VRK2: variants seen among roughly 807,000 people sequenced by gnomAD.
VRK2 encodes serine/threonine-protein kinase VRK2.
VRK2 carries 60 observed loss-of-function variants against 57.6 expected under a neutral mutation model. That is an observed-to-expected ratio of 1.04 (90% confidence interval 0.85 to 1.29). The LOEUF is 1.29. Ranked by LOEUF, VRK2 falls within the 50% of genes most tolerant of loss-of-function variation. The pLI is 0.00. For missense variants in VRK2, 705 were observed against 588.1 expected, an observed-to-expected ratio of 1.20 and a Z score of -2.06; for synonymous variants, 231 against 199.2, an observed-to-expected ratio of 1.16 and a Z score of -1.35.
chr2:57,975,494 A>G (rs1386335379), intron 1 of VRK2, among the ~76,000 whole-genome samples: 1 of 151,936 alleles, frequency 6.6e-6, no homozygotes, highest in Non-Finnish European at 1.5e-5. Context: ...CTATTTTTTA[A>G]ATTTCAATTT....
chr2:58,156,870 A>G (rs1042189706), intron 12 of VRK2, among the ~76,000 whole-genome samples: 1 of 152,112 alleles, frequency 6.6e-6, no homozygotes, highest in Non-Finnish European at 1.5e-5. Context: ...TCTCCTGGTT[A>G]TGGGTCACAT....
At chr2:58,018,750 T>G (rs940229409) in intron 1 of VRK2, among the ~76,000 whole-genome samples, 2 of 152,164 alleles carry the variant, frequency 1.3e-5, no homozygotes, top group Non-Finnish European at 2.9e-5. Context: ...TTTTTTTTCT[T>G]GTAATTCTCT....
At chr2:58,038,584 C>A (rs1314366297) in intron 3 of VRK2, among the ~76,000 whole-genome samples, 2 of 152,110 alleles carry the variant, frequency 1.3e-5, no homozygotes, top group Non-Finnish European at 2.9e-5. Flanking sequence ...ACTTACTAAA[C>A]AAGCCTTATC....
At chr2:57,957,631 T>C (rs925891669) in intron 1 of VRK2, among the ~76,000 whole-genome samples, 1 of 147,166 alleles carries the variant, frequency 6.8e-6, no homozygotes, top group Non-Finnish European at 1.5e-5. Flanking sequence ...TATATTTCTA[T>C]ATATATATAT....
At position 57,982,100 on chromosome 2, in the gene VRK2, G is replaced by A. The variant is rs114694326; in HGVS notation, c.-438-43565G>A. Among the ~76,000 whole-genome samples, 681 of 152,264 alleles carry A rather than the reference G, an allele frequency of 4.5e-3. 2 individuals are homozygous for A. Among genetic ancestry groups the A allele is most frequent in the African/African-American group, 0.015 (608 of 41,546 alleles). On this transcript the variant is annotated intron_variant, in intron 1 of 15. Coordinates refer to the VRK2 transcript ENST00000417641. ...TTGATGCCCTTGAGGGTTTGACTGT[G>A]GTATAAGTTGGATTTAGTCAATTGG... is the stretch of plus-strand genomic sequence containing the variant.
At chr2:58,133,827 A>G (rs1193215283) in intron 9 of VRK2, among the ~76,000 whole-genome samples, 1 of 152,224 alleles carries the variant, frequency 6.6e-6, no homozygotes, top group African/African-American at 2.4e-5. Context: ...GTGGAGAACA[A>G]TGCACATATA....
Position 58,077,660 on chromosome 2 carries a change from T to G in VRK2, c.137-6429T>G, listed in dbSNP as rs183847712. Among the ~76,000 whole-genome samples the G allele has an allele frequency of 1.2e-4, 18 of 152,252 alleles. No individual in the cohort carries two copies. In the East Asian group the frequency reaches 3.1e-3, roughly 26 times the overall value. On this transcript the variant is annotated intron_variant, in intron 2 of 12. Transcript: ENST00000340157. ...GCATAGTAATTTTCTGGGAGACTTCTCACTTCATCACATCCTTCCATACCC... is the reference window on the plus strand; with the variant it reads ...GCATAGTAATTTTCTGGGAGACTTCGCACTTCATCACATCCTTCCATACCC...
upstream of VRK2, among the ~76,000 whole-genome samples, chr2:58,042,299 T>G (rs542580053): frequency 2.6e-5 from 4 of 152,332 alleles, no homozygotes; most frequent in African/African-American, 9.6e-5. Flanking sequence ...TTGGTCTGAT[T>G]GTTTATCTAA....
At chr2:58,056,279 G>A (rs978907414) in intron 2 of VRK2, among the ~76,000 whole-genome samples, 3 of 152,112 alleles carry the variant, frequency 2.0e-5, no homozygotes, top group Non-Finnish European at 2.9e-5. Context: ...CCATGAGACC[G>A]TTGTGAATAC....
chr2:58,124,300 G>C (rs1378975517), intron 8 of VRK2, among the ~76,000 whole-genome samples: 1 of 152,194 alleles, frequency 6.6e-6, no homozygotes, highest in African/African-American at 2.4e-5. Flanking sequence ...GAGTCCCACT[G>C]ATGGTTGCTT....
chr2:58,111,073 C>G (rs17049347), intron 7 of VRK2, among the ~76,000 whole-genome samples: 3,794 of 152,194 alleles, frequency 0.025, 155 homozygotes, highest in African/African-American at 0.087. Flanking sequence ...ACTACATTTT[C>G]AATCACAAAG....
chr2:58,118,825 C>A (rs914756758), intron 7 of VRK2, among the ~76,000 whole-genome samples: 1 of 151,826 alleles, frequency 6.6e-6, no homozygotes, highest in Admixed American at 6.6e-5. Flanking sequence ...GGGGTGGGGC[C>A]GTTTTATAGG....
At chr2:58,150,613 A>G (rs1037994167) in intron 12 of VRK2, among the ~76,000 whole-genome samples, 1 of 148,936 alleles carries the variant, frequency 6.7e-6, no homozygotes, top group African/African-American at 2.5e-5. Context: ...TTTTTTTAAA[A>G]AAACCTACCA....
At chr2:58,092,197 C>T (rs1309575522) in intron 7 of VRK2, among the ~76,000 whole-genome samples, 19 of 152,236 alleles carry the variant, frequency 1.2e-4, no homozygotes, top group Non-Finnish European at 1.5e-5. Flanking sequence ...CTTCTCCTGG[C>T]ATTGCTCCCA....
Position 57,921,238 on chromosome 2 carries a change from C to A in VRK2, c.-439+13399C>A, listed in dbSNP as rs373568864. Among the ~76,000 whole-genome samples the A allele has an allele frequency of 3.5e-4, 53 of 151,930 alleles. 1 individual carries two copies. The South Asian group carries it at 0.01, about 30-fold the overall frequency. Reference sequence around the variant, plus strand: ...CCGTGTCAACCTCTGGAGAAGGCATCTAAGTAATTCCATTTTAAAAGTACC... The same window carrying A: ...CCGTGTCAACCTCTGGAGAAGGCATATAAGTAATTCCATTTTAAAAGTACC... On this transcript the variant is annotated intron_variant, in intron 1 of 15. Coordinates refer to the VRK2 transcript ENST00000417641.
chr2:58,081,857 CGTGTGT>C (rs369430200), intron 2 of VRK2, among the ~76,000 whole-genome samples: 13,158 of 142,088 alleles, frequency 0.093, 658 homozygotes, highest in African/African-American at 0.12. Context: ...ATACCATGTC[CGTGTGT>C]GTGTGTGTGT....
At chr2:58,091,475 A>G (rs947505740) in intron 7 of VRK2, among the ~76,000 whole-genome samples, 1 of 152,028 alleles carries the variant, frequency 6.6e-6, no homozygotes, top group African/African-American at 2.4e-5. Context: ...TTTTAATTTA[A>G]CTTAATTTAA....
intron 2 of VRK2, among the ~76,000 whole-genome samples, chr2:58,055,369 C>G (rs1421897928): frequency 6.6e-6 from 1 of 152,158 alleles, no homozygotes; most frequent in African/African-American, 2.4e-5. Flanking sequence ...GCTTTTTGTG[C>G]TTAAGGTTAA....
rs1381183714 is a variant in VRK2, at chr2:57,988,923, CAA to C, written c.-438-36739_-438-36738del. ...GATTAATACAAACCCCATATTTATG[CAA>C]AACACAGATTGGGGTTGCACATTCT... On this transcript the variant is annotated intron_variant, in intron 1 of 15. Coordinates refer to the VRK2 transcript ENST00000417641. Among the ~76,000 whole-genome samples, 19 of 152,274 alleles carry C rather than the reference CAA, an allele frequency of 1.2e-4. No homozygotes were observed. In the East Asian group the frequency reaches 3.7e-3, roughly 29 times the overall value.
Sources: allele counts gnomAD v4.1 joint callset (sites outside exome capture counted in the v4.1 genomes callset), GRCh38; gene constraint gnomAD v4.1.1; transcripts MANE v1.5; gene names NCBI Gene and HGNC (gene_info 2026-07-23, HGNC 2026-07-21).